Variants in ASIC2 observed in about 807,000 individuals in gnomAD.
ASIC2 encodes acid-sensing ion channel 2.
Under a neutral mutation model 57.3 loss-of-function variants are expected in ASIC2, and 25 were observed. The ratio of observed to expected loss-of-function variants is 0.44; its 90% CI spans 0.32 to 0.61. ASIC2 has a LOEUF of 0.61. Ranked by LOEUF, ASIC2 falls within the 20% of genes least tolerant of loss-of-function variation. The pLI is 0.06. For synonymous variants in ASIC2, 319 were observed against 307.5 expected (o/e 1.04, Z -0.39); for missense variants, 641 against 738.1 (o/e 0.87, Z 1.52).
rs1343003987 is a variant in ASIC2, at chr17:33,385,307, C to T, written c.556-273240G>A. Among the ~76,000 whole-genome samples the T allele has an allele frequency of 5.3e-5, 8 of 152,272 alleles. No individual in the cohort carries two copies. The East Asian group carries it at 1.4e-3, about 26-fold the overall frequency. Reference sequence around the variant, plus strand: ...CTCCCTCCCCAGCCCCTGAGCCCCTCCCTTTGGGTTTCACCAGGAGCTGTT... The same window carrying T: ...CTCCCTCCCCAGCCCCTGAGCCCCTTCCTTTGGGTTTCACCAGGAGCTGTT... On this transcript the variant is annotated intron_variant, in intron 1 of 9. Transcript: ENST00000359872.
At chr17:33,835,032 T>G (rs1913233351) in intron 1 of ASIC2, among the ~76,000 whole-genome samples, 1 of 152,260 alleles carries the variant, frequency 6.6e-6, no homozygotes, top group African/African-American at 2.4e-5. Flanking sequence ...TGCCTAGCAC[T>G]GTGGGTGTAG....
At chr17:33,631,811 C>T (rs540488410) in intron 1 of ASIC2, among the ~76,000 whole-genome samples, 22 of 152,184 alleles carry the variant, frequency 1.4e-4, no homozygotes, top group African/African-American at 5.1e-4. Context: ...TTGTTATATT[C>T]AAATAAAGAA....
At chr17:33,998,297 C>A (rs998744997) in intron 1 of ASIC2, among the ~76,000 whole-genome samples, 6 of 151,892 alleles carry the variant, frequency 4.0e-5, no homozygotes, top group African/African-American at 9.7e-5. Context: ...TAAAGGTTTG[C>A]CAATTTTATT....
chr17:33,060,802 G>A (rs558768120), intron 3 of ASIC2, among the ~76,000 whole-genome samples: 3 of 152,286 alleles, frequency 2.0e-5, no homozygotes, highest in South Asian at 2.1e-4. Flanking sequence ...AGCATGGAAT[G>A]TTCTTCCATT....
At chr17:33,392,970 T>C (rs974426751) in intron 1 of ASIC2, among the ~76,000 whole-genome samples, 1 of 152,184 alleles carries the variant, frequency 6.6e-6, no homozygotes, top group Non-Finnish European at 1.5e-5. Context: ...GACTGTTCTT[T>C]GTTAGATTTT....
chr17:33,877,479 C>T (rs1335934450), intron 1 of ASIC2, among the ~76,000 whole-genome samples: 2 of 152,236 alleles, frequency 1.3e-5, no homozygotes, highest in East Asian at 1.9e-4. Context: ...ATAACCCATT[C>T]CTGGCTCGGA....
chr17:33,526,460 A>G (rs541088208), intron 1 of ASIC2, among the ~76,000 whole-genome samples: 3 of 152,176 alleles, frequency 2.0e-5, no homozygotes, highest in Admixed American at 6.5e-5. Context: ...CCACCTCCCA[A>G]TCTCCCAGCA....
chr17:34,031,034 C>A (rs1907588545), intron 1 of ASIC2, among the ~76,000 whole-genome samples: 1 of 152,230 alleles, frequency 6.6e-6, no homozygotes, highest in African/African-American at 2.4e-5. Flanking sequence ...CAGCACACAG[C>A]TGGAGATCTG....
At chr17:33,142,453 C>T (rs1047061529) in intron 1 of ASIC2, among the ~76,000 whole-genome samples, 1 of 152,190 alleles carries the variant, frequency 6.6e-6, no homozygotes, top group Non-Finnish European at 1.5e-5. Context: ...CAAAGGATAG[C>T]TGTATTCTTT....
At chr17:33,115,037 T>G (rs1454685757) in intron 1 of ASIC2, among the ~76,000 whole-genome samples, 1 of 151,834 alleles carries the variant, frequency 6.6e-6, no homozygotes, top group East Asian at 1.9e-4. Context: ...AGCAGAGAGG[T>G]CTTTATAGTG....
chr17:34,098,003 A>T (rs1371168508), intron 1 of ASIC2, among the ~76,000 whole-genome samples: 4 of 152,152 alleles, frequency 2.6e-5, no homozygotes, highest in Non-Finnish European at 5.9e-5. Context: ...GATCATGTGG[A>T]GAGCAGGAGA....
chr17:33,058,751 G>A (rs1373195546), intron 3 of ASIC2, among the ~76,000 whole-genome samples: 1 of 151,986 alleles, frequency 6.6e-6, no homozygotes, highest in African/African-American at 2.4e-5. Context: ...TACCCCTGAT[G>A]CAGTCATCTC....
chr17:33,262,110 C>T (rs1909308319), intron 1 of ASIC2, among the ~76,000 whole-genome samples: 1 of 152,242 alleles, frequency 6.6e-6, no homozygotes, highest in Non-Finnish European at 1.5e-5. Flanking sequence ...GCCATGTAGG[C>T]TCCACTGAGC....
intron 1 of ASIC2, among the ~76,000 whole-genome samples, chr17:34,089,897 A>T (rs1387136884): frequency 1.3e-5 from 2 of 152,136 alleles, no homozygotes; most frequent in African/African-American, 2.4e-5. Context: ...TAATTTATTC[A>T]TCCCTTAATA....
intron 1 of ASIC2, among the ~76,000 whole-genome samples, chr17:34,093,940 C>A (rs1422487178): frequency 6.6e-6 from 1 of 152,118 alleles, no homozygotes; most frequent in Non-Finnish European, 1.5e-5. Context: ...GGAGCCCTTA[C>A]CCTGTAGAAG....
intron 1 of ASIC2, among the ~76,000 whole-genome samples, chr17:33,858,161 T>C (rs1914011201): frequency 6.6e-6 from 1 of 152,202 alleles, no homozygotes; most frequent in South Asian, 2.1e-4. Flanking sequence ...CCCCAGCCTC[T>C]ACCCTGTTTC....
intron 1 of ASIC2, among the ~76,000 whole-genome samples, chr17:33,677,073 C>A: frequency 6.6e-6 from 1 of 152,226 alleles, no homozygotes; most frequent in East Asian, 1.9e-4. Context: ...CCACTAGAAT[C>A]ATGAACCAAT....
chr17:33,422,527 G>T (rs947087259), intron 1 of ASIC2, among the ~76,000 whole-genome samples: 2 of 152,192 alleles, frequency 1.3e-5, no homozygotes, highest in African/African-American at 4.8e-5. Context: ...GTAGAGTGAG[G>T]TAGTTGACAG....
At chr17:33,430,113 T>A (rs1911356099) in intron 1 of ASIC2, among the ~76,000 whole-genome samples, 1 of 152,208 alleles carries the variant, frequency 6.6e-6, no homozygotes, top group African/African-American at 2.4e-5. Context: ...TCTTCTTGGC[T>A]GCATGACCCA....
Sources: gnomAD v4.1 joint callset for allele counts (sites outside exome capture counted in the v4.1 genomes callset) on GRCh38, gnomAD v4.1.1 for gene constraint, MANE v1.5 for transcripts, NCBI Gene and HGNC (gene_info 2026-07-23, HGNC 2026-07-21) for gene names.